GRIK3: variants seen among roughly 807,000 people sequenced by gnomAD.
The protein encoded by GRIK3 is glutamate receptor ionotropic, kainate 3.
GRIK3 carries 29 observed loss-of-function variants against 102.5 expected under a neutral mutation model. That is an observed-to-expected ratio of 0.28 (90% CI 0.21 to 0.39). The LOEUF (loss-of-function observed/expected upper bound fraction) is 0.39. Ranked by LOEUF, GRIK3 falls within the 10% of genes least tolerant of loss-of-function variation. GRIK3 has a pLI of 1.00. For synonymous variants in GRIK3, 511 were observed against 504.9 expected (o/e 1.01, Z -0.16); for missense variants, 908 against 1,252.4 (o/e 0.73, Z 4.15).
rs567913048 is a variant in GRIK3 at position 36,978,232 on chromosome 1, T to C, written c.115+55762A>G. ...CAATTATTATGCTAATGCATCACAATGCATTACAGCAAATTCTCTGTAAGT... is the reference window on the plus strand; with the variant it reads ...CAATTATTATGCTAATGCATCACAACGCATTACAGCAAATTCTCTGTAAGT... On this transcript the variant is annotated intron_variant, in intron 1 of 15. Coordinates refer to ENST00000373091, the MANE Select transcript of GRIK3 (RefSeq NM_000831.4). Among the ~76,000 whole-genome samples, 23 of 152,376 alleles carry C rather than the reference T, an allele frequency of 1.5e-4. 1 individual carries two copies. The highest frequency in any genetic ancestry group is 1.0e-3 in the South Asian group (5 of 4,826).
At chr1:36,940,810 C>A (rs1216466845) in intron 1 of GRIK3, among the ~76,000 whole-genome samples, 1 of 152,232 alleles carries the variant, frequency 6.6e-6, no homozygotes, top group African/African-American at 2.4e-5. Context: ...GCACTAGAAG[C>A]TTCTGGAGAG....
chr1:36,797,870 GT>G lies in GRIK3; in HGVS notation c.*3980del, dbSNP rs1642386193. Reference sequence around the variant, plus strand: ...ATCGTTCTTGGTGAGTGCACGCCTGGTGGAGGGGAGCAACTTCTAACCTGTT... The same window carrying G: ...ATCGTTCTTGGTGAGTGCACGCCTGGGGAGGGGAGCAACTTCTAACCTGTT... On this transcript the variant is annotated 3_prime_UTR_variant, in exon 16 of 16. Transcript: ENST00000373091. 6.6e-6 allele frequency: 1 copy of G among 152,396 alleles called. No homozygotes were observed. Among genetic ancestry groups the G allele is most frequent in the Non-Finnish European group, 1.5e-5 (1 of 68,146 alleles). The allele number at this position is 152,396 out of a possible 1,614,324, so 9.4% of individuals were successfully genotyped here.
intron 10 of GRIK3, among the ~76,000 whole-genome samples, chr1:36,833,575 G>A (rs909398838): frequency 1.3e-5 from 2 of 152,250 alleles, no homozygotes; most frequent in Non-Finnish European, 2.9e-5. Context: ...CTGGGGCAAT[G>A]GGATTGGGCG....
intron 1 of GRIK3, among the ~76,000 whole-genome samples, chr1:36,996,917 T>A (rs1333988641): frequency 6.6e-6 from 1 of 152,216 alleles, no homozygotes; most frequent in Non-Finnish European, 1.5e-5. Context: ...TTTTTGGTTA[T>A]CACAGTTGTG....
At chr1:36,939,173 C>T (rs999226688) in intron 1 of GRIK3, among the ~76,000 whole-genome samples, 1 of 152,336 alleles carries the variant, frequency 6.6e-6, no homozygotes, top group East Asian at 1.9e-4. Flanking sequence ...CACCACACAA[C>T]GCATGGAAGT....
chr1:37,019,261 T>C (rs533762768), intron 1 of GRIK3, among the ~76,000 whole-genome samples: 165 of 152,264 alleles, frequency 1.1e-3, no homozygotes, highest in Admixed American at 1.6e-3. Flanking sequence ...GGGGGATAAA[T>C]GTGACAGCTC....
chr1:37,020,374 G>A (rs1570870547), intron 1 of GRIK3, among the ~76,000 whole-genome samples: 1 of 152,294 alleles, frequency 6.6e-6, no homozygotes, highest in East Asian at 1.9e-4. Flanking sequence ...CTCTATTATA[G>A]GTATGCAGGT....
rs553182904 is a variant in GRIK3, at chr1:36,853,727, G to A, written c.1105-5C>T. 16 of 1,533,444 alleles carry A rather than the reference G, an allele frequency of 1.0e-5. No homozygotes were observed. The highest frequency in any genetic ancestry group is 2.7e-5 in the African/African-American group (2 of 73,546). The allele number at this position is 1,533,444 out of a possible 1,614,324, so 95.0% of individuals were successfully genotyped here. On this transcript the variant is annotated splice_polypyrimidine_tract_variant and splice_region_variant and intron_variant, in intron 7 of 15. Transcript: ENST00000373091. ...AGTTAATCCTTCCCATTGAGCCTGC[G>A]GAGGGGAGAGGGCAGAGCGGCAATT...
intron 14 of GRIK3, among the ~76,000 whole-genome samples, chr1:36,805,902 C>T (rs1642493185): frequency 7.2e-6 from 1 of 138,084 alleles, no homozygotes; most frequent in Admixed American, 7.9e-5. Context: ...TGCCACTGCA[C>T]TCCAGCCTGG....
rs768924725 is a variant in GRIK3 at position 36,841,744 on chromosome 1, T to C, written c.1522A>G (p.Ile508Val). The C allele has an allele frequency of 1.2e-6, 2 of 1,607,884 alleles. No individual in the cohort carries two copies. The highest frequency in any genetic ancestry group is 2.2e-5 in the South Asian group (2 of 90,942). ...CTCCCATCCATGCTTACGTGGTCGA[T>C]GAGCTCCTTGACCATGCCGTTCCAC... is the stretch of plus-strand genomic sequence containing the variant. ...GQWNGMVKEL[I>V]DHKADLAVAP... Residue 508 changes from isoleucine to valine, a missense_variant, in exon 10 of 16, where the codon ATC becomes GTC. Coordinates refer to ENST00000373091, the MANE Select transcript of GRIK3 (RefSeq NM_000831.4).
At chr1:36,911,860 A>C (rs1157179403) in intron 1 of GRIK3, among the ~76,000 whole-genome samples, 1 of 151,978 alleles carries the variant, frequency 6.6e-6, no homozygotes, top group Non-Finnish European at 1.5e-5. Context: ...AAAGGAATGG[A>C]GATCTAGAGC....
chr1:36,972,121 G>A (rs747441296), intron 1 of GRIK3, among the ~76,000 whole-genome samples: 2 of 152,212 alleles, frequency 1.3e-5, no homozygotes, highest in Admixed American at 6.5e-5. Flanking sequence ...GGCCACACGC[G>A]GAGGCTCCTG....
intron 1 of GRIK3, among the ~76,000 whole-genome samples, chr1:36,938,078 A>G (rs566517471): frequency 1.1e-4 from 17 of 152,260 alleles, no homozygotes; most frequent in African/African-American, 3.9e-4. Flanking sequence ...TCAGGCACTC[A>G]TGGACTGGTA....
intron 10 of GRIK3, among the ~76,000 whole-genome samples, chr1:36,838,303 C>A (rs1315038536): frequency 6.6e-6 from 1 of 152,136 alleles, no homozygotes; most frequent in East Asian, 1.9e-4. Context: ...AGAATTTGAA[C>A]CCATTTCGGT....
intron 1 of GRIK3, among the ~76,000 whole-genome samples, chr1:36,940,757 C>T (rs1365923257): frequency 1.3e-5 from 2 of 152,164 alleles, no homozygotes; most frequent in Non-Finnish European, 2.9e-5. Flanking sequence ...TAATCTTCGC[C>T]CCTTGCAAAG....
At chr1:36,858,402 A>G (rs1202773246) in intron 7 of GRIK3, among the ~76,000 whole-genome samples, 7 of 152,244 alleles carry the variant, frequency 4.6e-5, no homozygotes, top group Admixed American at 4.6e-4. Context: ...TGGGGACAAT[A>G]AGCCCTGCCA....
chr1:37,002,178 G>T (rs1642484954), intron 1 of GRIK3, among the ~76,000 whole-genome samples: 1 of 152,020 alleles, frequency 6.6e-6, no homozygotes, highest in South Asian at 2.1e-4. Flanking sequence ...CTTATTTTGG[G>T]GTATGATTTA....
At chr1:37,023,797 AAC>A (rs1376968324) in intron 1 of GRIK3, among the ~76,000 whole-genome samples, 43 of 152,198 alleles carry the variant, frequency 2.8e-4, no homozygotes, top group Admixed American at 1.3e-4. Context: ...TAACCTCTCT[AAC>A]ACAGACCCCA....
At chr1:36,946,675 G>A (rs35797450) in intron 1 of GRIK3, among the ~76,000 whole-genome samples, 8,222 of 152,252 alleles carry the variant, frequency 0.054, 258 homozygotes, top group South Asian at 0.14. Flanking sequence ...CTTATGTTGT[G>A]CCAGGCCCCG....
Sources: gnomAD v4.1 joint callset for allele counts (sites outside exome capture counted in the v4.1 genomes callset) on GRCh38, gnomAD v4.1.1 for gene constraint, MANE v1.5 for transcripts, NCBI Gene and HGNC (gene_info 2026-07-23, HGNC 2026-07-21) for gene names.